Variants in CHRM3 observed in about 807,000 individuals in gnomAD.
CHRM3 encodes the protein muscarinic acetylcholine receptor M3.
Under a neutral mutation model 41.8 loss-of-function variants are expected in CHRM3, and 11 were observed. The observed-to-expected ratio is 0.26, with a 90% CI of 0.17 to 0.44. The LOEUF is 0.44. CHRM3 is among the 20% of genes least tolerant of loss of function. The pLI is 1.00. For missense variants in CHRM3, 571 were observed against 745.4 expected (o/e 0.77, Z 2.72); for synonymous variants, 297 against 301.4 (o/e 0.99, Z 0.15).
At chr1:239,691,480 A>G (rs1268795905) in intron 5 of CHRM3, among the ~76,000 whole-genome samples, 2 of 152,214 alleles carry the variant, frequency 1.3e-5, no homozygotes, top group Non-Finnish European at 1.5e-5. Flanking sequence ...TAGCCAAGAC[A>G]CATCGATAAT....
intron 1 of CHRM3, among the ~76,000 whole-genome samples, chr1:239,422,805 AAAAACAAAAAC>A (rs1558212070): frequency 5.3e-5 from 5 of 94,218 alleles, no homozygotes; most frequent in African/African-American, 2.0e-4. Flanking sequence ...TAAAAAAAAC[AAAAACAAAAAC>A]AAAAAACAGT....
At chr1:239,610,274 T>G (rs1487186416) in intron 3 of CHRM3, among the ~76,000 whole-genome samples, 3 of 151,404 alleles carry the variant, frequency 2.0e-5, no homozygotes, top group Admixed American at 2.0e-4. Flanking sequence ...ATTCATCCAA[T>G]TGAACTTCAC....
intron 2 of CHRM3, among the ~76,000 whole-genome samples, chr1:239,544,346 A>T (rs1659083647): frequency 6.6e-6 from 1 of 152,136 alleles, no homozygotes; most frequent in Admixed American, 6.5e-5. Context: ...GGAAGCCAAT[A>T]CTTAATCTAT....
At chr1:239,436,551 T>C (rs1663286349) in intron 1 of CHRM3, among the ~76,000 whole-genome samples, 1 of 151,888 alleles carries the variant, frequency 6.6e-6, no homozygotes, top group South Asian at 2.1e-4. Flanking sequence ...CCGGCTCTGC[T>C]TGTTCATCTG....
At chr1:239,447,776 CAAAA>C (rs1034823779) in intron 1 of CHRM3, among the ~76,000 whole-genome samples, 1 of 146,754 alleles carries the variant, frequency 6.8e-6, no homozygotes, top group Non-Finnish European at 1.5e-5. Flanking sequence ...AATTCTGTCT[CAAAA>C]AAACAAACAA....
At chr1:239,746,246 T>C (rs1005460645) in intron 5 of CHRM3, among the ~76,000 whole-genome samples, 3 of 152,224 alleles carry the variant, frequency 2.0e-5, no homozygotes, top group Admixed American at 6.5e-5. Context: ...AATTAAAACA[T>C]GAGTTAATTC....
chr1:239,659,151 C>A (rs1421672780), intron 4 of CHRM3, among the ~76,000 whole-genome samples: 4 of 152,166 alleles, frequency 2.6e-5, no homozygotes, highest in African/African-American at 9.7e-5. Context: ...TGAGTTCCAA[C>A]AACTTCTGCT....
intron 5 of CHRM3, among the ~76,000 whole-genome samples, chr1:239,793,801 G>GTTTTTTTTTTTTTTTTTTT (rs1350243997): frequency 3.2e-5 from 2 of 62,774 alleles, no homozygotes; most frequent in African/African-American, 7.8e-5. Context: ...AATGAAATGT[G>GTTTTTTTTTTTTTTTTTTT]TATTTTTTTT....
intron 5 of CHRM3, among the ~76,000 whole-genome samples, chr1:239,785,122 A>T (rs903350167): frequency 1.3e-5 from 2 of 152,162 alleles, no homozygotes; most frequent in African/African-American, 4.8e-5. Context: ...CAAGGCTCGC[A>T]GCTCCTTCTG....
intron 2 of CHRM3, among the ~76,000 whole-genome samples, chr1:239,523,337 T>G (rs10925902): frequency 0.23 from 35,516 of 152,000 alleles, 4,668 homozygotes; most frequent in Middle Eastern, 0.42. Context: ...ATTTATATAT[T>G]TTATAAATTA....
chr1:239,697,665 C>T (rs1210372506), intron 5 of CHRM3, among the ~76,000 whole-genome samples: 1 of 152,142 alleles, frequency 6.6e-6, no homozygotes, highest in African/African-American at 2.4e-5. Flanking sequence ...AGGCAACAGA[C>T]ATTTAAAACT....
At position 239,618,805 on chromosome 1, in the gene CHRM3, C is replaced by T. The variant is rs1371633815; in HGVS notation, c.-312-13419C>T. ...CTTGCAGTGAGCCGAGATCGCGCCC[C>T]TGCACTCCAGCCTGGGAGACAGAGC... On this transcript the variant is annotated intron_variant, in intron 3 of 6. Transcript: ENST00000676153. 7.6e-5 allele frequency among the ~76,000 whole-genome samples: 11 copies of T among 144,200 alleles called. No individual in the cohort carries two copies. In the South Asian group the frequency reaches 1.8e-3, roughly 24 times the overall value. The allele number at this position is 144,200 out of a possible 152,430, so 94.6% of individuals were successfully genotyped here.
intron 2 of CHRM3, among the ~76,000 whole-genome samples, chr1:239,541,613 G>A (rs997612393): frequency 6.6e-6 from 1 of 152,086 alleles, no homozygotes. Context: ...CCAGGCTCAG[G>A]TGATCCTTCC....
chr1:239,636,405 A>G (rs1670474098), intron 4 of CHRM3, among the ~76,000 whole-genome samples: 1 of 152,176 alleles, frequency 6.6e-6, no homozygotes, highest in African/African-American at 2.4e-5. Context: ...TTCTGTCTTC[A>G]AGGGAATTGT....
chr1:239,686,672 C>T (rs1043343554), intron 5 of CHRM3, among the ~76,000 whole-genome samples: 1 of 152,166 alleles, frequency 6.6e-6, no homozygotes, highest in Non-Finnish European at 1.5e-5. Context: ...AGTACTTTGT[C>T]CCTAATGGCA....
intron 1 of CHRM3, among the ~76,000 whole-genome samples, chr1:239,404,444 AAG>A (rs1223895537): frequency 1.4e-5 from 2 of 139,280 alleles, no homozygotes; most frequent in Non-Finnish European, 3.1e-5. Context: ...GAAAGAAAGA[AAG>A]AAAGAAAGAA....
intron 4 of CHRM3, among the ~76,000 whole-genome samples, chr1:239,663,120 CG>C (rs1399679387): frequency 6.6e-6 from 1 of 151,740 alleles, no homozygotes; most frequent in Non-Finnish European, 1.5e-5. Flanking sequence ...GTCCCGGTGC[CG>C]GGCAGCTCTG....
intron 6 of CHRM3, among the ~76,000 whole-genome samples, chr1:239,840,276 G>T (rs766331211): frequency 2.6e-5 from 4 of 152,068 alleles, no homozygotes; most frequent in Non-Finnish European, 5.9e-5. Context: ...GTTACCTTGG[G>T]ACACTGTGTA....
At chr1:239,586,686 T>G (rs1354213501) in intron 3 of CHRM3, among the ~76,000 whole-genome samples, 2 of 152,118 alleles carry the variant, frequency 1.3e-5, no homozygotes, top group Non-Finnish European at 2.9e-5. Flanking sequence ...TCCTTGTTTG[T>G]GGGGAAATTA....
Sources: gnomAD v4.1 joint callset for allele counts (sites outside exome capture counted in the v4.1 genomes callset) on GRCh38, gnomAD v4.1.1 for gene constraint, MANE v1.5 for transcripts, NCBI Gene and HGNC (gene_info 2026-07-23, HGNC 2026-07-21) for gene names.